Variants in TPGS1 observed in about 807,000 individuals in gnomAD.
TPGS1 encodes the protein tubulin polyglutamylase complex subunit 1, also known as gene trap ROSA b-geo 22.
TPGS1 carries 18 observed loss-of-function variants against 11.9 expected under a neutral mutation model. That is an observed-to-expected ratio of 1.51 (90% confidence interval 1.04 to 2.24). TPGS1 has a LOEUF of 2.24. Among genes scored for constraint, TPGS1 ranks in the 30% most tolerant of loss-of-function variants. TPGS1 has a pLI of 0.00. For missense variants in TPGS1, 500 were observed against 443.0 expected, an observed-to-expected ratio of 1.13 and a Z score of -1.16; for synonymous variants, 247 against 218.2, an observed-to-expected ratio of 1.13 and a Z score of -1.16.
intron 1 of TPGS1, among the ~76,000 whole-genome samples, chr19:514,027 TAC>T (rs553901525): frequency 7.7e-4 from 103 of 133,422 alleles, no homozygotes; most frequent in African/African-American, 2.9e-3. Flanking sequence ...GCACCCACTG[TAC>T]ACAGACCCAG....
chr19:514,819 G>A (rs1352166555), intron 1 of TPGS1, among the ~76,000 whole-genome samples: 1 of 152,202 alleles, frequency 6.6e-6, no homozygotes, highest in East Asian at 1.9e-4. Flanking sequence ...TGGGGGGAGT[G>A]AGGCCAGGGG....
chr19:518,775 GC>G, intron 1 of TPGS1, 113 bp from the exon 2 acceptor site: 2 of 1,180,770 alleles, frequency 1.7e-6, no homozygotes, highest in Admixed American at 7.2e-5. Context: ...GAGAGGGGAG[GC>G]CAGGGCTGGC....
chr19:517,070 C>A (rs1978976008), intron 1 of TPGS1, among the ~76,000 whole-genome samples: 1 of 152,012 alleles, frequency 6.6e-6, no homozygotes, highest in African/African-American at 2.4e-5. Context: ...TTCTGGGCAC[C>A]AGGGCTATAA....
chr19:515,249 C>A (rs575968671), intron 1 of TPGS1, among the ~76,000 whole-genome samples: 1 of 152,184 alleles, frequency 6.6e-6, no homozygotes, highest in African/African-American at 2.4e-5. Flanking sequence ...AGAAATACCA[C>A]CACTGGCCCC....
chr19:519,500 C>A lies in TPGS1; in HGVS notation c.*77C>A. 8.8e-7 allele frequency: 1 copy of A among 1,135,938 alleles called. No individual in the cohort carries two copies. Among genetic ancestry groups the A allele is most frequent in the Non-Finnish European group, 1.1e-6 (1 of 919,170 alleles). The allele number at this position is 1,135,938 out of a possible 1,614,324, so 70.4% of individuals were successfully genotyped here. On this transcript the variant is annotated 3_prime_UTR_variant, in exon 2 of 2. Coordinates refer to ENST00000359315, the MANE Select transcript of TPGS1 (RefSeq NM_033513.3). ...GGGGCGCGCGGAGCCTTCCCTTCGC[C>A]CTGGTGAGGCCCTGCCATAACCAGG...
intron 1 of TPGS1, among the ~76,000 whole-genome samples, chr19:512,245 C>G (rs1464879112): frequency 6.6e-6 from 1 of 152,184 alleles, no homozygotes. Flanking sequence ...CTCACTGCAG[C>G]CTCGACCGCC....
intron 1 of TPGS1, among the ~76,000 whole-genome samples, chr19:512,662 G>C (rs1012337287): frequency 1.3e-5 from 2 of 152,234 alleles, no homozygotes; most frequent in Non-Finnish European, 2.9e-5. Context: ...GAGAAGTGGC[G>C]GAGGGATCCG....
At chr19:511,126 G>C (rs1978782483) in intron 1 of TPGS1, among the ~76,000 whole-genome samples, 1 of 152,238 alleles carries the variant, frequency 6.6e-6, no homozygotes, top group Non-Finnish European at 1.5e-5. Context: ...AGCCCTGGCT[G>C]GGCTCCCGCT....
In TPGS1 at chr19:507,651, C is replaced by G; in HGVS notation, c.145C>G (p.Arg49Gly). The G allele has an allele frequency of 7.2e-7, 1 of 1,387,290 alleles. No homozygotes were observed. Among genetic ancestry groups the G allele is most frequent in the Non-Finnish European group, 9.5e-7 (1 of 1,056,212 alleles). 85.9% of individuals were successfully genotyped at this position (1,387,290 alleles called of 1,614,324 possible). The change falls in exon 1 of 2, where the codon CGT (arginine) becomes GGT (glycine). Residue 49 changes from arginine to glycine, a missense_variant. Transcript: ENST00000359315. ...LRQVGVTEMLRAALLKVLEAR... is the reference protein window; with the variant it reads ...LRQVGVTEMLGAALLKVLEAR... ...GCAGGTCGGCGTGACGGAAATGCTA[C>G]GTGCGGCCCTGCTGAAGGTGCTGGA...
chr19:507,801 G>T lies in TPGS1; in HGVS notation c.295G>T (p.Gly99Cys), dbSNP rs911967086. ...GQLLLQQQRL[G>C]RALWHLRLAH... ...GCTCCTGCTGCAGCAGCAGCGCCTG[G>T]GCCGCGCGCTATGGCACCTTCGCCT... Residue 99 changes from glycine to cysteine, a missense_variant, in exon 1 of 2, where the codon GGC becomes TGC. By Grantham distance (159) the Gly-to-Cys change is radical. Coordinates refer to ENST00000359315, the MANE Select transcript of TPGS1 (RefSeq NM_033513.3). The T allele has an allele frequency of 4.6e-5, 64 of 1,380,564 alleles. No homozygotes were observed. The highest frequency in any genetic ancestry group is 5.3e-5 in the Non-Finnish European group (57 of 1,071,230). 85.5% of individuals were successfully genotyped at this position (1,380,564 alleles called of 1,614,324 possible).
intron 1 of TPGS1, among the ~76,000 whole-genome samples, chr19:511,194 A>T (rs979601512): frequency 2.0e-5 from 3 of 152,204 alleles, no homozygotes; most frequent in African/African-American, 7.2e-5. Context: ...GGCAGAGCTG[A>T]CGTTCCAGCC....
intron 1 of TPGS1, chr19:508,050 A>C (rs995007150): frequency 8.8e-5 from 36 of 409,568 alleles, no homozygotes; most frequent in Admixed American, 8.9e-5. Flanking sequence ...AGCGCGCTGC[A>C]TGCGGCGCGA....
At chr19:516,778 C>T (rs1296434132) in intron 1 of TPGS1, among the ~76,000 whole-genome samples, 18 of 152,154 alleles carry the variant, frequency 1.2e-4, no homozygotes, top group Admixed American at 1.2e-3. Context: ...CAGGAACTCG[C>T]TGGGCCTGTA....
rs1979085448 is a variant in TPGS1, at chr19:519,516, C to A, written c.*93C>A. ...TCCCTTCGCCCTGGTGAGGCCCTGC[C>A]ATAACCAGGCGCCCAGCCCTGCGGA... On this transcript the variant is annotated 3_prime_UTR_variant, in exon 2 of 2. Coordinates refer to ENST00000359315, the MANE Select transcript of TPGS1 (RefSeq NM_033513.3). 5 of 1,094,124 alleles carry A rather than the reference C, an allele frequency of 4.6e-6. No homozygotes were observed. Among genetic ancestry groups the A allele is most frequent in the Non-Finnish European group, 3.4e-6 (3 of 883,850 alleles). 67.8% of individuals were successfully genotyped at this position (1,094,124 alleles called of 1,614,324 possible).
chr19:512,700 C>T (rs1354638388), intron 1 of TPGS1, among the ~76,000 whole-genome samples: 1 of 152,270 alleles, frequency 6.6e-6, no homozygotes, highest in African/African-American at 2.4e-5. Context: ...CGCCAGCCTT[C>T]GAGATGCCCC....
At chr19:510,958 G>A (rs1025317619) in intron 1 of TPGS1, among the ~76,000 whole-genome samples, 13 of 152,230 alleles carry the variant, frequency 8.5e-5, no homozygotes, top group African/African-American at 2.4e-4. Flanking sequence ...CCCAGACACC[G>A]CCCGGCGTCT....
In TPGS1 at chr19:519,434, C is replaced by A. The variant is rs568260277; in HGVS notation, c.*11C>A. 2,465 of 1,205,938 alleles carry A rather than the reference C, an allele frequency of 2.0e-3. 48 individuals are homozygous for A. In the African/African-American group the frequency reaches 0.036, roughly 18 times the overall value. 74.7% of individuals were successfully genotyped at this position (1,205,938 alleles called of 1,614,324 possible). A position where few individuals can be genotyped will look rare whatever the true frequency, so the allele number is the denominator to read the frequency against. ...AAGCCGGTGGGCTGAGGCCCGTGGG[C>A]CGCGCGGATCCGGGATCTGCGCTGG... On this transcript the variant is annotated 3_prime_UTR_variant, in exon 2 of 2. Transcript: ENST00000359315.
chr19:512,375 C>T (rs1393880200), intron 1 of TPGS1, among the ~76,000 whole-genome samples: 1 of 152,174 alleles, frequency 6.6e-6, no homozygotes, highest in Non-Finnish European at 1.5e-5. Flanking sequence ...GTTGCCCAGG[C>T]TGGTTTCGAA....
rs549276340 is a variant in TPGS1, at chr19:512,686, C to A, written c.338+4842C>A. ...CGGAGGGATCCGCGGAGCAGCGCTG[C>A]CGTCGCCAGCCTTCGAGATGCCCCT... On this transcript the variant is annotated intron_variant, in intron 1 of 1. Coordinates refer to ENST00000359315, the MANE Select transcript of TPGS1 (RefSeq NM_033513.3). 6.6e-5 allele frequency among the ~76,000 whole-genome samples: 10 copies of A among 152,362 alleles called. No homozygotes were observed. The East Asian group carries it at 1.9e-3, about 29-fold the overall frequency.
Sources: allele counts gnomAD v4.1 joint callset (sites outside exome capture counted in the v4.1 genomes callset), GRCh38; gene constraint gnomAD v4.1.1; transcripts MANE v1.5; gene names NCBI Gene and HGNC (gene_info 2026-07-23, HGNC 2026-07-21).